KHDC4: variants seen among roughly 807,000 people sequenced by gnomAD.
The protein encoded by KHDC4 is KH homology domain-containing protein 4.
KHDC4 carries 19 observed loss-of-function variants against 74.5 expected under a neutral mutation model. The observed-to-expected ratio is 0.26, with a 90% CI of 0.18 to 0.37. The LOEUF is 0.37. Ranked by LOEUF, KHDC4 falls within the 10% of genes least tolerant of loss-of-function variation. The probability of loss-of-function intolerance (pLI) is 1.00; values close to 1 mark genes in which losing one functional copy is unlikely to be tolerated. For missense variants in KHDC4, 632 were observed against 754.1 expected (o/e 0.84, Z 1.90); for synonymous variants, 253 against 266.1 (o/e 0.95, Z 0.48).
intron 8 of KHDC4, among the ~76,000 whole-genome samples, chr1:155,922,255 C>A (rs937182922): frequency 6.6e-6 from 1 of 151,242 alleles, no homozygotes; most frequent in African/African-American, 2.4e-5. Flanking sequence ...AAGCGATTCT[C>A]CTGCTTCAGC....
At chr1:155,931,411 A>G (rs914915819) in intron 2 of KHDC4, among the ~76,000 whole-genome samples, 1 of 152,108 alleles carries the variant, frequency 6.6e-6, no homozygotes, top group African/African-American at 2.4e-5. Flanking sequence ...GGTGGGCAAC[A>G]TGGCAAACCC....
chr1:155,925,888 T>C (rs1427054996), intron 6 of KHDC4, 45 bp from the exon 7 acceptor site: 41 of 1,395,616 alleles, frequency 2.9e-5, no homozygotes, highest in Non-Finnish European at 4.1e-5. Context: ...AATATATAAT[T>C]AAATCCTCAA....
intron 2 of KHDC4, among the ~76,000 whole-genome samples, chr1:155,930,708 A>G (rs1674122836): frequency 6.6e-6 from 1 of 152,218 alleles, no homozygotes; most frequent in African/African-American, 2.4e-5. Context: ...AATTGTATCT[A>G]ACTAATAATT....
In KHDC4 at chr1:155,925,636, T is replaced by G. The variant is rs199982499; in HGVS notation, c.889A>C (p.Ile297Leu). The change falls in exon 7 of 14, where the codon ATC (isoleucine) becomes CTC (leucine). Residue 297 changes from isoleucine to leucine, a missense_variant. Ile to Leu is a conservative substitution (Grantham distance 5). Around this residue, in one of 4 missense-constraint regions of KHDC4, gnomAD observed 233 missense variants for 342.6 expected, o/e 0.68. Coordinates refer to ENST00000368321, the MANE Select transcript of KHDC4 (RefSeq NM_014949.4). ...REAFEPMYIYISHPKPEGLAA... is the reference protein window; with the variant it reads ...REAFEPMYIYLSHPKPEGLAA... ...CCCTGCCCTATCCATCCATACCTGA[T>G]GTAAATATACATAGGTTCAAAAGCT... 1 of 1,613,650 alleles carries G rather than the reference T, an allele frequency of 6.2e-7. No homozygotes were observed. The highest frequency in any genetic ancestry group is 2.2e-5 in the East Asian group (1 of 44,882).
chr1:155,931,950 T>C (rs905882857), intron 2 of KHDC4, among the ~76,000 whole-genome samples: 1 of 152,158 alleles, frequency 6.6e-6, no homozygotes. Context: ...GTGACAAGGG[T>C]TCTAGTCTAT....
At position 155,920,394 on chromosome 1, in the gene KHDC4, G is replaced by A. The variant is rs574926409; in HGVS notation, c.1266+981C>T. ...CGGAGCTTGCAGTGAGCTGAGATGC[G>A]CCACTGCACTCCAGCCTGGGCAACA... On this transcript the variant is annotated intron_variant, in intron 10 of 13. Coordinates refer to ENST00000368321, the MANE Select transcript of KHDC4 (RefSeq NM_014949.4). Among the ~76,000 whole-genome samples, 19 of 152,058 alleles carry A rather than the reference G, an allele frequency of 1.2e-4. No homozygotes were observed. The South Asian group carries it at 3.7e-3, about 30-fold the overall frequency.
intron 2 of KHDC4, chr1:155,932,344 A>C (rs1674158731): frequency 6.6e-6 from 1 of 151,652 alleles, no homozygotes; most frequent in South Asian, 2.1e-4. Context: ...GAAGCTAGTG[A>C]CTACTGCACT....
At chr1:155,924,237 T>C (rs992882422) in intron 7 of KHDC4, among the ~76,000 whole-genome samples, 2 of 152,076 alleles carry the variant, frequency 1.3e-5, no homozygotes, top group Admixed American at 6.5e-5. Context: ...GGCGACAGAA[T>C]CTTGCTCTGT....
intron 2 of KHDC4, chr1:155,932,582 T>C (rs1164094990): frequency 6.6e-6 from 1 of 152,200 alleles, no homozygotes; most frequent in Non-Finnish European, 1.5e-5. Context: ...AAAATCTTAA[T>C]ATACAAGGAG....
rs749058351 is a variant in KHDC4, at chr1:155,933,785, C to A, written c.103G>T (p.Gly35Cys). The part of the protein sequence containing the change: ...PLLFLPPAAP[G>C]GEVTSSGGSP... ...CCCCCACTGCTGGTGACCTCCCCAC[C>A]TGGGGCCGCTGGCGGGAGGAAGAGA... The change falls in exon 2 of 14, where the codon GGT becomes TGT. Residue 35 changes from glycine (G) to cysteine (C), a missense_variant. Physicochemically the swap from Gly to Cys is radical, Grantham distance 159. This residue lies in a region of KHDC4 where 104 missense variants were observed against 78.1 expected (regional missense o/e 1.33). Coordinates refer to ENST00000368321, the MANE Select transcript of KHDC4 (RefSeq NM_014949.4). 2 of 1,595,994 alleles carry A rather than the reference C, an allele frequency of 1.3e-6. No homozygotes were observed. The highest frequency in any genetic ancestry group is 8.5e-7 in the Non-Finnish European group (1 of 1,169,736).
At chr1:155,928,676 GGC>G (rs1674077227) in intron 4 of KHDC4, among the ~76,000 whole-genome samples, 2 of 151,696 alleles carry the variant, frequency 1.3e-5, no homozygotes, top group African/African-American at 4.8e-5. Context: ...TACAATGCCG[GGC>G]GTGGTGGCTC....
chr1:155,918,486 G>A (rs1673781543), intron 10 of KHDC4, among the ~76,000 whole-genome samples: 1 of 152,132 alleles, frequency 6.6e-6, no homozygotes, highest in African/African-American at 2.4e-5. Context: ...GTGGGAATAT[G>A]TTTTGAGAAA....
chr1:155,914,199 C>T lies in KHDC4; in HGVS notation c.1767G>A (p.Gln589=). ...GATATTGGTATCCCAAACTCCAGCC[C>T]TGTGGAAAACTACTTGCATTTTTAT... The part of the protein sequence containing the change: ...GGHKNASSFP[Q]GWSLGYQYPS... The change falls in exon 14 of 14, where the codon CAG becomes CAA. Residue 589 remains glutamine, a synonymous_variant. Transcript: ENST00000368321. The T allele has an allele frequency of 1.9e-6, 3 of 1,614,100 alleles. 1 individual carries two copies. In the South Asian group the frequency reaches 3.3e-5, roughly 18 times the overall value.
At chr1:155,932,823 C>G (rs1051099731) in intron 2 of KHDC4, 1 of 152,028 alleles carries the variant, frequency 6.6e-6, no homozygotes, top group African/African-American at 2.4e-5. Flanking sequence ...CCCAGCTACT[C>G]GGGAGGCTGA....
Position 155,927,832 on chromosome 1 carries a change from CCACACACACACACACACACACACA to C in KHDC4, c.465-700_465-677del, listed in dbSNP as rs199711249. On this transcript the variant is annotated intron_variant, in intron 4 of 13. Coordinates refer to ENST00000368321, the MANE Select transcript of KHDC4 (RefSeq NM_014949.4). Reference sequence around the variant, plus strand: ...AAAAAAAAAAAAAAAAAAAAAAAAACCACACACACACACACACACACACACACACACACACACACACAAAATTAA... The same window carrying C: ...AAAAAAAAAAAAAAAAAAAAAAAAACCACACACACACACACACAAAATTAA... Among the ~76,000 whole-genome samples the C allele has an allele frequency of 1.9e-4, 17 of 90,938 alleles. 1 individual carries two copies. The South Asian group carries it at 2.5e-3, about 13-fold the overall frequency. 59.7% of individuals were successfully genotyped at this position (90,938 alleles called of 152,430 possible).
intron 4 of KHDC4, among the ~76,000 whole-genome samples, chr1:155,928,199 C>T (rs1384581088): frequency 2.0e-5 from 3 of 152,052 alleles, no homozygotes; most frequent in African/African-American, 7.3e-5. Context: ...CATCGTGAAA[C>T]CCCATCTCTA....
At position 155,934,377 on chromosome 1, in the gene KHDC4, G is replaced by A. The variant is rs373707316; in HGVS notation, c.-4C>T. The stretch of plus-strand genomic sequence containing the variant: ...GTGTCGCGCTCCCCGCGGACATGGC[G>A]ACCGCTTCTACTCAACCACCCGCCA... On this transcript the variant is annotated 5_prime_UTR_variant, in exon 1 of 14. Coordinates refer to ENST00000368321, the MANE Select transcript of KHDC4 (RefSeq NM_014949.4). 8.7e-6 allele frequency: 14 copies of A among 1,611,768 alleles called. No individual in the cohort carries two copies. Among genetic ancestry groups the A allele is most frequent in the East Asian group, 2.2e-5 (1 of 44,818 alleles).
At chr1:155,922,928 G>T (rs901950039) in intron 8 of KHDC4, among the ~76,000 whole-genome samples, 1 of 152,150 alleles carries the variant, frequency 6.6e-6, no homozygotes, top group South Asian at 2.1e-4. Context: ...AGTCCTGGCC[G>T]GGCGCGGTGG....
In KHDC4 at chr1:155,925,800, G is replaced by GC; in HGVS notation, c.724dup (p.Ala242GlyfsTer6). ...CTCCTTGACATTAAAAGTGGGTACA[G>GC]CATGTTCTAGACCCACAAATAATTT... is the stretch of plus-strand genomic sequence containing the variant. On this transcript the variant is annotated frameshift_variant, in exon 7 of 14. Transcript: ENST00000368321. LOFTEE classifies it high-confidence loss of function. 1 of 1,614,106 alleles carries GC rather than the reference G, an allele frequency of 6.2e-7. No individual in the cohort carries two copies. The highest frequency in any genetic ancestry group is 8.5e-7 in the Non-Finnish European group (1 of 1,179,960).
Sources: allele counts gnomAD v4.1 joint callset (sites outside exome capture counted in the v4.1 genomes callset), GRCh38; gene constraint gnomAD v4.1.1; regional missense constraint gnomAD v4.1.1; transcripts MANE v1.5; gene names NCBI Gene and HGNC (gene_info 2026-07-23, HGNC 2026-07-21).